The following RPA2 variants were observed in gnomAD, a reference collection of about 807,000 sequenced individuals.
The protein encoded by RPA2 is replication protein A2, also known as replication protein A 32 kDa subunit.
RPA2 carries 22 observed loss-of-function variants against 33.4 expected under a neutral mutation model. That is an observed-to-expected ratio of 0.66 (90% CI 0.47 to 0.94). The LOEUF (loss-of-function observed/expected upper bound fraction) is 0.94. RPA2 is among the 40% of genes least tolerant of loss of function. RPA2 has a pLI of 0.00. For synonymous variants in RPA2, 109 were observed against 114.9 expected (o/e 0.95, Z 0.33); for missense variants, 279 against 329.9 (o/e 0.85, Z 1.19).
chr1:27,897,559 C>T (rs894792904), intron 5 of RPA2, 74 bp downstream of exon 5: 3 of 1,078,410 alleles, frequency 2.8e-6, no homozygotes, highest in Admixed American at 2.3e-5. Flanking sequence ...TTTTAACTAT[C>T]CAAAAGCCAT....
chr1:27,906,075 A>T (rs1227540465), intron 4 of RPA2, among the ~76,000 whole-genome samples: 1 of 152,154 alleles, frequency 6.6e-6, no homozygotes, highest in African/African-American at 2.4e-5. Context: ...CCAAGATAAA[A>T]ATCTTTGTTC....
intron 4 of RPA2, among the ~76,000 whole-genome samples, chr1:27,898,942 TCA>T (rs1490931144): frequency 1.3e-5 from 2 of 152,162 alleles, no homozygotes; most frequent in African/African-American, 4.8e-5. Context: ...GTATATGGAC[TCA>T]CACCTGTTAT....
intron 2 of RPA2, among the ~76,000 whole-genome samples, chr1:27,907,639 G>A (rs1321956940): frequency 6.6e-6 from 1 of 152,116 alleles, no homozygotes; most frequent in African/African-American, 2.4e-5. Context: ...TAGACAGGCT[G>A]GTGCTGCTGT....
chr1:27,903,070 T>C (rs907058903), intron 4 of RPA2, among the ~76,000 whole-genome samples: 2 of 152,106 alleles, frequency 1.3e-5, no homozygotes, highest in Non-Finnish European at 2.9e-5. Context: ...GCTGGTATTA[T>C]AGGTGTGTGC....
intron 3 of RPA2, 46 bp from the exon 4 acceptor site, chr1:27,907,087 C>T (rs80210103): frequency 5.7e-6 from 9 of 1,571,922 alleles, no homozygotes; most frequent in Middle Eastern, 1.7e-4. Context: ...CTGGTTCCCC[C>T]TGAAACCAAG....
rs191777454 is a variant in RPA2 at position 27,906,062 on chromosome 1, T to C, written c.333+866A>G. ...GCTCTAGGTGCTAAGGCTACAGCGG[T>C]GACCAAGATAAAAATCTTTGTTCTA... On this transcript the variant is annotated intron_variant, in intron 4 of 8. Coordinates refer to ENST00000373912, the MANE Select transcript of RPA2 (RefSeq NM_002946.5). 1.0e-3 allele frequency among the ~76,000 whole-genome samples: 152 copies of C among 152,294 alleles called. 1 individual carries two copies. Among genetic ancestry groups the C allele is most frequent in the African/African-American group, 3.5e-3 (147 of 41,562 alleles).
intron 2 of RPA2, among the ~76,000 whole-genome samples, chr1:27,910,216 C>A (rs900036207): frequency 6.6e-6 from 1 of 152,100 alleles, no homozygotes; most frequent in Non-Finnish European, 1.5e-5. Context: ...GGACACATGA[C>A]CACCTTTTCT....
chr1:27,894,289 C>G lies in RPA2; in HGVS notation c.633+1G>C. On this transcript the variant is annotated splice_donor_variant, in intron 7 of 8. Coordinates refer to ENST00000373912, the MANE Select transcript of RPA2 (RefSeq NM_002946.5). LOFTEE classifies it high-confidence loss of function. ...TCTGAAGCCACTCTGGTGGAGGTTA[C>G]CTGGTTTTGGGCCACAGTGAGGCCA... The G allele has an allele frequency of 6.2e-7, 1 of 1,612,932 alleles. No individual in the cohort carries two copies. The highest frequency in any genetic ancestry group is 1.1e-5 in the South Asian group (1 of 90,802).
intron 4 of RPA2, among the ~76,000 whole-genome samples, chr1:27,901,322 C>T (rs891629664): frequency 1.3e-5 from 2 of 152,014 alleles, no homozygotes. Flanking sequence ...GCTGAGGGTT[C>T]GGATAACTGA....
chr1:27,894,103 A>C lies in RPA2; in HGVS notation c.637T>G (p.Leu213Val). ...NGLTVAQNQVLNLIKACPRPE... is the reference protein window; with the variant it reads ...NGLTVAQNQVVNLIKACPRPE... ...CTTGGACAAGCCTTAATCAAATTCA[A>C]CACCTGAAGATTCAAATCAGAAAGA... is the stretch of plus-strand genomic sequence containing the variant. Residue 213 changes from leucine (L) to valine (V), a missense_variant, in exon 8 of 9, where the codon TTG (leucine) becomes GTG (valine). By Grantham distance (32) the Leu-to-Val change is conservative. Around this residue, in one of 2 missense-constraint regions of RPA2, gnomAD observed 274 missense variants for 310.3 expected, o/e 0.88. Coordinates refer to ENST00000373912, the MANE Select transcript of RPA2 (RefSeq NM_002946.5). 1 of 1,613,416 alleles carries C rather than the reference A, an allele frequency of 6.2e-7. No homozygotes were observed. Among genetic ancestry groups the C allele is most frequent in the Non-Finnish European group, 8.5e-7 (1 of 1,179,416 alleles).
intron 8 of RPA2, 141 bp from the exon 9 acceptor site, chr1:27,892,388 T>A: frequency 1.5e-6 from 1 of 651,250 alleles, no homozygotes; most frequent in Non-Finnish European, 2.7e-6. Flanking sequence ...ATTCTGCACA[T>A]AGAAAGCTCT....
intron 2 of RPA2, among the ~76,000 whole-genome samples, chr1:27,910,542 A>C (rs1213338456): frequency 1.3e-5 from 2 of 152,244 alleles, no homozygotes; most frequent in South Asian, 4.1e-4. Flanking sequence ...ACACTTTCAA[A>C]CTAAAAAAAT....
chr1:27,895,589 G>T (rs2089880651), intron 6 of RPA2, among the ~76,000 whole-genome samples: 1 of 151,384 alleles, frequency 6.6e-6, no homozygotes, highest in Non-Finnish European at 1.5e-5. Context: ...GTGGCAGCCG[G>T]GTGTGGTGGT....
At chr1:27,913,440 T>C (rs941783613) in intron 2 of RPA2, among the ~76,000 whole-genome samples, 4 of 150,020 alleles carry the variant, frequency 2.7e-5, no homozygotes, top group African/African-American at 9.8e-5. Context: ...AACACAAAAT[T>C]AGCCGGGCGT....
At chr1:27,895,756 A>T (rs2089883518) in intron 6 of RPA2, among the ~76,000 whole-genome samples, 1 of 152,090 alleles carries the variant, frequency 6.6e-6, no homozygotes, top group Admixed American at 6.6e-5. Flanking sequence ...AAAAACAAAA[A>T]ACCCAAATAA....
At chr1:27,909,308 T>C (rs906984680) in intron 2 of RPA2, among the ~76,000 whole-genome samples, 2 of 152,122 alleles carry the variant, frequency 1.3e-5, no homozygotes, top group Non-Finnish European at 2.9e-5. Context: ...TGAAGCATGA[T>C]TGTGAATGGT....
chr1:27,896,965 T>G (rs1382844385), intron 6 of RPA2, 40 bp downstream of exon 6: 2 of 1,473,694 alleles, frequency 1.4e-6, no homozygotes, highest in African/African-American at 2.8e-5. Context: ...CCTGTGTTCT[T>G]CCAGGGAAGA....
chr1:27,897,470 TA>T (rs55902224), intron 5 of RPA2, among the ~76,000 whole-genome samples, 162 bp downstream of exon 5: 66,671 of 144,298 alleles, frequency 0.46, 15,527 homozygotes, highest in African/African-American at 0.63. Context: ...ATGTTAAGGT[TA>T]AAAAAAAAAA....
upstream of RPA2, chr1:27,914,682 G>A (rs369350420): frequency 1.9e-6 from 3 of 1,612,524 alleles, no homozygotes; most frequent in Non-Finnish European, 1.7e-6. Flanking sequence ...CGCGTACTGC[G>A]CTCCCAGTTG....
Sources: allele counts gnomAD v4.1 joint callset (sites outside exome capture counted in the v4.1 genomes callset), GRCh38; gene constraint gnomAD v4.1.1; regional missense constraint gnomAD v4.1.1; transcripts MANE v1.5; gene names NCBI Gene and HGNC (gene_info 2026-07-23, HGNC 2026-07-21).